The following TP63 variants were observed in gnomAD, a reference collection of about 807,000 sequenced individuals.
TP63 encodes the protein tumor protein 63.
Under a neutral mutation model 82.8 loss-of-function variants are expected in TP63, and 17 were observed. The observed-to-expected ratio is 0.21, with a 90% CI of 0.14 to 0.31. TP63 has a LOEUF of 0.31. TP63 is among the 10% of genes least tolerant of loss of function. The pLI is 1.00. For missense variants in TP63, 648 were observed against 895.3 expected, an observed-to-expected ratio of 0.72 and a Z score of 3.52; for synonymous variants, 330 against 321.7, an observed-to-expected ratio of 1.03 and a Z score of -0.28.
chr3:189,716,613 C>T (rs752236348), intron 1 of TP63, among the ~76,000 whole-genome samples: 9 of 152,082 alleles, frequency 5.9e-5, no homozygotes, highest in Non-Finnish European at 1.2e-4. Flanking sequence ...GAAAGGACTG[C>T]GGAATTTTAT....
intron 3 of TP63, among the ~76,000 whole-genome samples, chr3:189,766,287 A>T (rs912632480): frequency 2.0e-5 from 3 of 152,238 alleles, no homozygotes; most frequent in African/African-American, 7.2e-5. Flanking sequence ...TAATAGCTGT[A>T]GCGTGGAATC....
intron 3 of TP63, among the ~76,000 whole-genome samples, chr3:189,751,052 G>A (rs1294103245): frequency 2.0e-5 from 3 of 152,094 alleles, no homozygotes; most frequent in Non-Finnish European, 2.9e-5. Context: ...TCCCACCTAT[G>A]AGTGAGAACA....
intron 1 of TP63, among the ~76,000 whole-genome samples, chr3:189,691,821 A>G (rs971489816): frequency 1.1e-4 from 17 of 152,094 alleles, no homozygotes; most frequent in African/African-American, 3.9e-4. Context: ...GTTATTTACT[A>G]TAGAAATAGG....
At chr3:189,734,320 G>A (rs1720416121) in intron 1 of TP63, among the ~76,000 whole-genome samples, 1 of 151,418 alleles carries the variant, frequency 6.6e-6, no homozygotes, top group African/African-American at 2.4e-5. Context: ...TACAGGCACC[G>A]GCCGCCAAGC....
chr3:189,749,676 A>G (rs1460740196), intron 3 of TP63, among the ~76,000 whole-genome samples: 2 of 152,340 alleles, frequency 1.3e-5, no homozygotes, highest in Non-Finnish European at 2.9e-5. Context: ...AAATCCCACT[A>G]CCAAATATTT....
chr3:189,842,070 C>T (rs1355975134), intron 4 of TP63, among the ~76,000 whole-genome samples: 1 of 152,166 alleles, frequency 6.6e-6, no homozygotes, highest in African/African-American at 2.4e-5. Flanking sequence ...CGCGGTTTTG[C>T]AGGCAGTTGG....
At chr3:189,707,314 T>C (rs995408425) in intron 1 of TP63, among the ~76,000 whole-genome samples, 1 of 152,194 alleles carries the variant, frequency 6.6e-6, no homozygotes, top group Non-Finnish European at 1.5e-5. Flanking sequence ...TGTATATTCA[T>C]TTTTCTGAAT....
chr3:189,601,803 T>C, the TP63 span, among the ~76,000 whole-genome samples: 1 of 152,138 alleles, frequency 6.6e-6, no homozygotes, highest in African/African-American at 2.4e-5. Flanking sequence ...GAGGAAGCAA[T>C]GTGAGCTTTT....
chr3:189,649,996 A>G lies in TP63; in HGVS notation c.62+18419A>G, dbSNP rs892986694. On this transcript the variant is annotated intron_variant, in intron 1 of 13. Coordinates refer to ENST00000264731, the MANE Select transcript of TP63 (RefSeq NM_003722.5). ...AATGTATAGACCAAGTTTAGGGGCT[A>G]TTGTTCTATATGAGAATTTATGGTG... Among the ~76,000 whole-genome samples the G allele has an allele frequency of 5.4e-5, 8 of 147,462 alleles. 1 individual carries two copies. The highest frequency in any genetic ancestry group is 4.7e-4 in the East Asian group (2 of 4,260).
At chr3:189,659,478 A>C (rs6775929) in intron 1 of TP63, among the ~76,000 whole-genome samples, 3,936 of 152,112 alleles carry the variant, frequency 0.026, 169 homozygotes, top group African/African-American at 0.09. Context: ...CCAAATGGGC[A>C]CCTTGATTAA....
chr3:189,792,584 C>T (rs753770731), intron 3 of TP63, among the ~76,000 whole-genome samples: 2 of 151,958 alleles, frequency 1.3e-5, no homozygotes, highest in African/African-American at 2.4e-5. Flanking sequence ...ACAGTATTTT[C>T]GAACTAAATG....
intron 1 of TP63, among the ~76,000 whole-genome samples, chr3:189,713,458 G>A (rs75793433): frequency 0.027 from 4,177 of 152,134 alleles, 185 homozygotes; most frequent in African/African-American, 0.095. Flanking sequence ...CATTTGAAAC[G>A]AGTTCATCTT....
chr3:189,664,814 C>T (rs1240943005), intron 1 of TP63, among the ~76,000 whole-genome samples: 2 of 152,032 alleles, frequency 1.3e-5, no homozygotes, highest in African/African-American at 4.8e-5. Context: ...TTAAGAGAAT[C>T]CATAGCCTTT....
chr3:189,657,754 T>C lies in TP63; in HGVS notation c.62+26177T>C, dbSNP rs1713512764. 2.0e-5 allele frequency among the ~76,000 whole-genome samples: 3 copies of C among 152,130 alleles called. 1 individual carries two copies. In the South Asian group the frequency reaches 6.2e-4, roughly 31 times the overall value. On this transcript the variant is annotated intron_variant, in intron 1 of 13. Transcript: ENST00000264731. ...TGTGAATTTATTTATGTTTACCTTGTATTAGATATGGATGGTTATATATAG... is the reference window on the plus strand; with the variant it reads ...TGTGAATTTATTTATGTTTACCTTGCATTAGATATGGATGGTTATATATAG...
intron 1 of TP63, among the ~76,000 whole-genome samples, chr3:189,708,052 A>G (rs1378397675): frequency 1.3e-5 from 2 of 152,158 alleles, no homozygotes; most frequent in African/African-American, 4.8e-5. Flanking sequence ...TTTCAGAGTC[A>G]TCTATGTTTT....
intron 3 of TP63, among the ~76,000 whole-genome samples, chr3:189,801,972 G>T (rs573079596): frequency 6.6e-6 from 1 of 151,936 alleles, no homozygotes; most frequent in Non-Finnish European, 1.5e-5. Flanking sequence ...TAAATTCTTC[G>T]GTTGGAAAGA....
chr3:189,648,121 A>T (rs1364212918), intron 1 of TP63, among the ~76,000 whole-genome samples: 1 of 147,246 alleles, frequency 6.8e-6, no homozygotes, highest in Non-Finnish European at 1.5e-5. Flanking sequence ...AGTTTTAAAC[A>T]TTTAAAGAAA....
rs117032082 is a variant in TP63, at chr3:189,701,237, C to T, written c.63-36503C>T. 5.8e-3 allele frequency among the ~76,000 whole-genome samples: 885 copies of T among 152,098 alleles called. 29 individuals are homozygous for T. Among genetic ancestry groups the T allele is most frequent in the East Asian group, 0.052 (268 of 5,172 alleles). On this transcript the variant is annotated intron_variant, in intron 1 of 13. Coordinates refer to ENST00000264731, the MANE Select transcript of TP63 (RefSeq NM_003722.5). ...AGAATGGACTAATAGAACTCCAGTA[C>T]GTGCTCCTCAAGAATTATCTCTAAT...
intron 4 of TP63, among the ~76,000 whole-genome samples, chr3:189,839,416 A>G (rs1018087076): frequency 6.6e-6 from 1 of 152,164 alleles, no homozygotes; most frequent in African/African-American, 2.4e-5. Context: ...TGTGGTTCCT[A>G]TAAAATATTA....
Sources: allele counts gnomAD v4.1 joint callset (sites outside exome capture counted in the v4.1 genomes callset), GRCh38; gene constraint gnomAD v4.1.1; transcripts MANE v1.5; gene names NCBI Gene and HGNC (gene_info 2026-07-23, HGNC 2026-07-21).